Variants in FAM222A observed in about 807,000 individuals in gnomAD.
The protein encoded by FAM222A is family with sequence similarity 222 member A.
Under a neutral mutation model 25.8 loss-of-function variants are expected in FAM222A, and 7 were observed. The observed-to-expected ratio is 0.27, with a 90% CI of 0.15 to 0.51. FAM222A has a LOEUF of 0.51. FAM222A is among the 20% of genes least tolerant of loss of function. FAM222A has a pLI of 0.97. For missense variants in FAM222A, 573 were observed against 640.5 expected (o/e 0.89, Z 1.14); for synonymous variants, 294 against 298.8 (o/e 0.98, Z 0.17).
intron 2 of FAM222A, among the ~76,000 whole-genome samples, chr12:109,758,390 C>T (rs1284109077): frequency 6.6e-6 from 1 of 152,162 alleles, no homozygotes; most frequent in South Asian, 2.1e-4. Flanking sequence ...ATCTCCATTC[C>T]CCTGCCCTCA....
At chr12:109,736,417 G>A (rs1347331360) in intron 1 of FAM222A, among the ~76,000 whole-genome samples, 1 of 152,242 alleles carries the variant, frequency 6.6e-6, no homozygotes, top group Non-Finnish European at 1.5e-5. Context: ...CTAAGGCTCA[G>A]AGAGGAGGGA....
chr12:109,720,485 C>T (rs1265785685), intron 1 of FAM222A, among the ~76,000 whole-genome samples: 1 of 152,216 alleles, frequency 6.6e-6, no homozygotes. Flanking sequence ...GCATGAAATC[C>T]CCAGGCCTGA....
chr12:109,745,334 G>A (rs1888370144), intron 2 of FAM222A, among the ~76,000 whole-genome samples: 1 of 152,198 alleles, frequency 6.6e-6, no homozygotes, highest in African/African-American at 2.4e-5. Flanking sequence ...CTCTAGCAGG[G>A]GTGGCCCATA....
chr12:109,757,289 A>G (rs1247740294), intron 2 of FAM222A, among the ~76,000 whole-genome samples: 1 of 152,242 alleles, frequency 6.6e-6, no homozygotes, highest in East Asian at 1.9e-4. Flanking sequence ...GACTTAATTG[A>G]TAAAAGCAAA....
intron 2 of FAM222A, among the ~76,000 whole-genome samples, chr12:109,745,980 C>T (rs4766629): frequency 0.16 from 24,128 of 151,536 alleles, 2,105 homozygotes; most frequent in East Asian, 0.31. Flanking sequence ...ATGATGGAAT[C>T]AGACCTCTGT....
At chr12:109,720,303 G>T (rs549572456) in intron 1 of FAM222A, 1 of 560,344 alleles carries the variant, frequency 1.8e-6, no homozygotes, top group East Asian at 1.4e-4. Context: ...ACTTAATGAC[G>T]CAGAACTTAA....
At chr12:109,723,184 A>G (rs1023964386) in intron 1 of FAM222A, among the ~76,000 whole-genome samples, 18 of 152,182 alleles carry the variant, frequency 1.2e-4, no homozygotes, top group African/African-American at 4.1e-4. Flanking sequence ...GGTGCAGGCC[A>G]CTAGCCTCTA....
chr12:109,738,112 T>G (rs1468573580), intron 1 of FAM222A, among the ~76,000 whole-genome samples: 1 of 152,156 alleles, frequency 6.6e-6, no homozygotes, highest in Non-Finnish European at 1.5e-5. Context: ...AGACAGACAG[T>G]GGATCTTCCT....
At chr12:109,735,128 T>G (rs1011339211) in intron 1 of FAM222A, among the ~76,000 whole-genome samples, 20 of 152,338 alleles carry the variant, frequency 1.3e-4, no homozygotes, top group African/African-American at 4.6e-4. Context: ...TGCCAGCCAC[T>G]TTTGTCCACT....
chr12:109,715,688 G>T (rs764671335), intron 1 of FAM222A, among the ~76,000 whole-genome samples: 1 of 152,192 alleles, frequency 6.6e-6, no homozygotes, highest in African/African-American at 2.4e-5. Context: ...GCTCCTCCCC[G>T]CAAGGACAGG....
At chr12:109,751,689 G>C (rs528967556) in intron 2 of FAM222A, among the ~76,000 whole-genome samples, 180 of 152,300 alleles carry the variant, frequency 1.2e-3, no homozygotes, top group Admixed American at 3.1e-3. Flanking sequence ...AAACCAAGTA[G>C]GTCTAAGGGA....
chr12:109,744,219 C>T lies in FAM222A; in HGVS notation c.73C>T (p.Leu25=), dbSNP rs908380051. Residue 25 remains leucine, a synonymous_variant, in exon 2 of 3, where the codon CTG becomes TTG. Transcript: ENST00000538780. ...HLACPSKSLE[L]RKCEAVASAM... Reference sequence around the variant, plus strand: ...GGCCTGCCCGAGCAAGAGCCTGGAGCTGCGCAAGTGTGAGTAGGACGCCTC... The same window carrying T: ...GGCCTGCCCGAGCAAGAGCCTGGAGTTGCGCAAGTGTGAGTAGGACGCCTC... 4.3e-6 allele frequency: 7 copies of T among 1,612,942 alleles called. No individual in the cohort carries two copies. Among genetic ancestry groups the T allele is most frequent in the African/African-American group, 2.7e-5 (2 of 74,938 alleles).
chr12:109,749,874 G>T (rs945873752), intron 2 of FAM222A, among the ~76,000 whole-genome samples: 1 of 152,144 alleles, frequency 6.6e-6, no homozygotes, highest in African/African-American at 2.4e-5. Context: ...AATGGTAATC[G>T]CTGCCTTTTA....
chr12:109,759,428 G>A (rs1888826732), intron 2 of FAM222A, among the ~76,000 whole-genome samples: 1 of 152,064 alleles, frequency 6.6e-6, no homozygotes. Context: ...AACCCACTCC[G>A]CCTGCCCTGC....
chr12:109,742,611 C>CTTTT (rs201720366), intron 1 of FAM222A, among the ~76,000 whole-genome samples: 3 of 142,238 alleles, frequency 2.1e-5, no homozygotes, highest in African/African-American at 5.2e-5. Flanking sequence ...CTCTCTCGCT[C>CTTTT]TTTTTTTTTT....
rs925628533 is a variant in FAM222A at position 109,717,597 on chromosome 12, G to A, written c.-47+2700G>A. On this transcript the variant is annotated intron_variant, in intron 1 of 2. Transcript: ENST00000538780. ...TGTGTGTGGGCCCTCGTGCCTGATG[G>A]GGAAAGGGGCAGCCGTGAGTGGCTG... Among the ~76,000 whole-genome samples, 35 of 152,240 alleles carry A rather than the reference G, an allele frequency of 2.3e-4. 1 individual carries two copies. Among genetic ancestry groups the A allele is most frequent in the Admixed American group, 1.3e-4 (2 of 15,288 alleles).
intron 2 of FAM222A, chr12:109,744,681 C>CCT: frequency 2.0e-6 from 2 of 985,408 alleles, no homozygotes; most frequent in Non-Finnish European, 2.4e-6. Flanking sequence ...GGGACCTAGA[C>CCT]CTGGTGACCA....
chr12:109,768,033 T>C lies in FAM222A; in HGVS notation c.104T>C (p.Met35Thr). 1 of 1,613,482 alleles carries C rather than the reference T, an allele frequency of 6.2e-7. No homozygotes were observed. Among genetic ancestry groups the C allele is most frequent in the Non-Finnish European group, 8.5e-7 (1 of 1,179,912 alleles). Residue 35 changes from methionine to threonine, a missense_variant, in exon 3 of 3, where the codon ATG (methionine) becomes ACG (threonine). Physicochemically the swap from Met to Thr is moderately conservative, Grantham distance 81 (BLOSUM62 -1). Coordinates refer to ENST00000538780, the MANE Select transcript of FAM222A (RefSeq NM_032829.3). ...LRKCEAVASA[M>T]HSSRYPSPAE... ...ACAGGCGAGGCGGTGGCCAGCGCCA[T>C]GCATTCCTCCCGCTACCCGAGCCCA...
chr12:109,733,032 G>C (rs1228768501), intron 1 of FAM222A, among the ~76,000 whole-genome samples: 1 of 152,186 alleles, frequency 6.6e-6, no homozygotes, highest in Non-Finnish European at 1.5e-5. Context: ...TTGCCAGCTT[G>C]ACCAGGTGGT....
Sources: allele counts gnomAD v4.1 joint callset (sites outside exome capture counted in the v4.1 genomes callset), GRCh38; gene constraint gnomAD v4.1.1; transcripts MANE v1.5; gene names NCBI Gene and HGNC (gene_info 2026-07-23, HGNC 2026-07-21).